Variants in GOLM2 observed in about 807,000 individuals in gnomAD.
GOLM2 encodes protein GOLM2.
Under a neutral mutation model 55.9 loss-of-function variants are expected in GOLM2, and 26 were observed. The ratio of observed to expected loss-of-function variants is 0.47; its 90% CI spans 0.34 to 0.65. The LOEUF is 0.65. GOLM2 is among the 30% of genes least tolerant of loss of function. GOLM2 has a pLI of 0.01. For missense variants in GOLM2, 486 were observed against 531.8 expected, an observed-to-expected ratio of 0.91 and a Z score of 0.85; for synonymous variants, 165 against 194.6, an observed-to-expected ratio of 0.85 and a Z score of 1.27.
intron 4 of GOLM2, among the ~76,000 whole-genome samples, chr15:44,336,443 A>G (rs915219281): frequency 1.3e-5 from 2 of 152,120 alleles, no homozygotes; most frequent in African/African-American, 2.4e-5. Flanking sequence ...TTAATACCTC[A>G]GTTTTGTTTT....
intron 1 of GOLM2, among the ~76,000 whole-genome samples, chr15:44,316,754 C>CAAA (rs545702797): frequency 2.4e-5 from 2 of 84,208 alleles, no homozygotes; most frequent in Non-Finnish European, 2.5e-5. Flanking sequence ...GACTCTGTCT[C>CAAA]AAAAAAAAAA....
At chr15:44,305,562 T>G (rs1184547117) in intron 1 of GOLM2, among the ~76,000 whole-genome samples, 2 of 152,124 alleles carry the variant, frequency 1.3e-5, no homozygotes, top group Non-Finnish European at 2.9e-5. Context: ...TCTCTCAAAG[T>G]GCTGAGATTA....
intron 1 of GOLM2, among the ~76,000 whole-genome samples, chr15:44,305,311 T>G (rs2078829735): frequency 6.6e-6 from 1 of 152,078 alleles, no homozygotes; most frequent in South Asian, 2.1e-4. Context: ...ATTATAATTT[T>G]TTTTTTGAGA....
chr15:44,406,811 T>G (rs2079600114), intron 9 of GOLM2: 1 of 152,108 alleles, frequency 6.6e-6, no homozygotes, highest in African/African-American at 2.4e-5. Context: ...AGATTCCAGC[T>G]GCAGGATAAG....
chr15:44,297,692 G>C (rs1390430340), intron 1 of GOLM2, among the ~76,000 whole-genome samples: 1 of 150,920 alleles, frequency 6.6e-6, no homozygotes, highest in African/African-American at 2.4e-5. Context: ...CTCCTGAGTA[G>C]CTAGGACTAC....
chr15:44,340,351 C>T (rs1258078404), intron 6 of GOLM2, among the ~76,000 whole-genome samples: 2 of 152,030 alleles, frequency 1.3e-5, no homozygotes, highest in African/African-American at 4.8e-5. Context: ...TGATGGTGGC[C>T]TCAAACTCCT....
intron 6 of GOLM2, among the ~76,000 whole-genome samples, chr15:44,343,204 G>A (rs528903506): frequency 6.6e-6 from 1 of 151,478 alleles, no homozygotes; most frequent in Non-Finnish European, 1.5e-5. Context: ...GTGGTGGTGG[G>A]CACCTGTAAT....
intron 8 of GOLM2, among the ~76,000 whole-genome samples, chr15:44,386,358 T>C (rs1354250074): frequency 6.6e-6 from 1 of 152,232 alleles, no homozygotes; most frequent in Admixed American, 6.5e-5. Flanking sequence ...TATGGGTTTA[T>C]TTCTGAATTA....
chr15:44,298,265 CTTTTT>C (rs1244084019), intron 1 of GOLM2, among the ~76,000 whole-genome samples: 3 of 134,410 alleles, frequency 2.2e-5, no homozygotes, highest in African/African-American at 8.2e-5. Context: ...TTTTCTTTTT[CTTTTT>C]TTTTTTTTTT....
intron 8 of GOLM2, 144 bp downstream of exon 8, chr15:44,381,120 A>G: frequency 2.1e-6 from 1 of 466,928 alleles, no homozygotes; most frequent in Non-Finnish European, 3.5e-6. Context: ...CAAAATTTAA[A>G]GGAAATACAG....
At chr15:44,401,437 G>C (rs1595668417) in intron 8 of GOLM2, among the ~76,000 whole-genome samples, 1 of 152,068 alleles carries the variant, frequency 6.6e-6, no homozygotes, top group East Asian at 1.9e-4. Flanking sequence ...GCTAATTTTT[G>C]TATTTTTTGT....
chr15:44,409,843 G>A (rs1238627644), intron 9 of GOLM2: 6 of 151,262 alleles, frequency 4.0e-5, no homozygotes, highest in African/African-American at 1.5e-4. Context: ...TTGAACCCGG[G>A]AGGCGGAGGT....
intron 6 of GOLM2, among the ~76,000 whole-genome samples, chr15:44,369,065 T>C (rs1312670900): frequency 1.5e-5 from 1 of 67,912 alleles, no homozygotes; most frequent in African/African-American, 6.7e-5. Context: ...TAATAGGATA[T>C]ATTATATATA....
At chr15:44,349,331 A>G (rs1040258486) in intron 6 of GOLM2, among the ~76,000 whole-genome samples, 1 of 151,972 alleles carries the variant, frequency 6.6e-6, no homozygotes, top group Non-Finnish European at 1.5e-5. Flanking sequence ...GCAAGTAGAA[A>G]CCAAAAAAAA....
chr15:44,343,919 C>G (rs1341776747), intron 6 of GOLM2, among the ~76,000 whole-genome samples: 3 of 151,432 alleles, frequency 2.0e-5, no homozygotes, highest in Non-Finnish European at 4.4e-5. Flanking sequence ...TAGGACCATA[C>G]TAGAAATTAT....
At chr15:44,335,222 G>T (rs764180549) in intron 4 of GOLM2, among the ~76,000 whole-genome samples, 1 of 151,996 alleles carries the variant, frequency 6.6e-6, no homozygotes, top group Non-Finnish European at 1.5e-5. Context: ...AGGTTAACAG[G>T]ATTTTAACAT....
At chr15:44,374,323 A>G (rs2079349980) in intron 6 of GOLM2, among the ~76,000 whole-genome samples, 1 of 151,864 alleles carries the variant, frequency 6.6e-6, no homozygotes, top group Non-Finnish European at 1.5e-5. Context: ...ATGTTTTAGC[A>G]GCTGTAGTGG....
chr15:44,394,042 C>T (rs1393309312), intron 8 of GOLM2, among the ~76,000 whole-genome samples: 1 of 152,150 alleles, frequency 6.6e-6, no homozygotes, highest in Non-Finnish European at 1.5e-5. Context: ...ATTTTGGTAT[C>T]TGCTGGGGTC....
chr15:44,413,225 TA>T, intron 9 of GOLM2, 110 bp from the exon 10 acceptor site: 1 of 713,530 alleles, frequency 1.4e-6, no homozygotes, highest in Non-Finnish European at 2.4e-6. Flanking sequence ...GTACTAGGTG[TA>T]AAATAACAAG....
Sources: gnomAD v4.1 joint callset for allele counts (sites outside exome capture counted in the v4.1 genomes callset) on GRCh38, gnomAD v4.1.1 for gene constraint, MANE v1.5 for transcripts, NCBI Gene and HGNC (gene_info 2026-07-23, HGNC 2026-07-21) for gene names.